The following MAK16 variants were observed in gnomAD, a reference collection of about 807,000 sequenced individuals.
MAK16 encodes the protein protein MAK16 homolog.
A neutral mutation model predicts 49.9 loss-of-function variants in MAK16; 12 were observed. That is an observed-to-expected ratio of 0.24 (90% CI 0.15 to 0.39). The LOEUF (loss-of-function observed/expected upper bound fraction) is 0.39. MAK16 is among the 10% of genes least tolerant of loss of function. MAK16 has a pLI of 1.00. For synonymous variants in MAK16, 115 were observed against 126.4 expected (o/e 0.91, Z 0.60); for missense variants, 292 against 363.7 (o/e 0.80, Z 1.60).
chr8:33,495,111 T>C (rs900723180), intron 6 of MAK16, among the ~76,000 whole-genome samples: 4 of 152,256 alleles, frequency 2.6e-5, no homozygotes, highest in Non-Finnish European at 4.4e-5. Flanking sequence ...GAGAGATCAC[T>C]GGAGGAAGAG....
At chr8:33,491,627 C>CTTTTTTT (rs554026888) in intron 6 of MAK16, among the ~76,000 whole-genome samples, 5 of 89,898 alleles carry the variant, frequency 5.6e-5, no homozygotes, top group Non-Finnish European at 8.2e-5. Context: ...CTGCCCCCTG[C>CTTTTTTT]TTTTTTTTTT....
chr8:33,485,517 AGCTG>A (rs1808673496), intron 1 of MAK16: 1 of 453,848 alleles, frequency 2.2e-6, no homozygotes, highest in East Asian at 3.6e-5. Context: ...GTCAGCTGTC[AGCTG>A]TCAGCTCCGG....
At position 33,489,209 on chromosome 8, in the gene MAK16, T is replaced by G. The variant is rs1367537182; in HGVS notation, c.392+70T>G. 23 of 1,440,042 alleles carry G rather than the reference T, an allele frequency of 1.6e-5. No individual in the cohort carries two copies. In the South Asian group the frequency reaches 2.5e-4, roughly 16 times the overall value. 89.2% of individuals were successfully genotyped at this position (1,440,042 alleles called of 1,614,324 possible). A position where few individuals can be genotyped will look rare whatever the true frequency, so the allele number is the denominator to read the frequency against. On this transcript the variant is annotated intron_variant, in intron 5 of 9. Coordinates refer to ENST00000360128, the MANE Select transcript of MAK16 (RefSeq NM_032509.4). The surrounding 1 kb of genome is among the most constrained non-coding windows in gnomAD (Gnocchi z 4.2). ...GGAGCTTGTTTTGAAGTTGAGAAAT[T>G]GTGAAACTTCGGGGCTTTCTATTCA... is the stretch of plus-strand genomic sequence containing the variant.
At chr8:33,496,571 T>A (rs1808860737) in intron 7 of MAK16, 54 bp from the exon 8 acceptor site, 3 of 1,367,548 alleles carry the variant, frequency 2.2e-6, no homozygotes, top group Non-Finnish European at 3.1e-6. Flanking sequence ...AAAGTGGAAC[T>A]TCAAGTGTAA....
intron 6 of MAK16, among the ~76,000 whole-genome samples, chr8:33,491,049 G>A (rs1808769863): frequency 6.6e-6 from 1 of 152,100 alleles, no homozygotes; most frequent in South Asian, 2.1e-4. Context: ...GCCTTTCTGT[G>A]CCTGGCTTCT....
intron 6 of MAK16, among the ~76,000 whole-genome samples, chr8:33,494,913 G>C (rs1310805313): frequency 6.6e-6 from 1 of 151,982 alleles, no homozygotes; most frequent in African/African-American, 2.4e-5. Context: ...CGAGTAGCTG[G>C]GACTATAGGC....
chr8:33,488,592 G>A lies in MAK16; in HGVS notation c.138G>A (p.Leu46=), dbSNP rs144540195. ...TGLCNRSSCP[L]ANSQYATIKE... ...TGTGTAATCGGTCATCCTGTCCCCT[G>A]GCAAATAGTCAGTATGCCACTATTA... The change falls in exon 3 of 10, where the codon CTG becomes CTA. Residue 46 remains leucine (L), a synonymous_variant. Coordinates refer to ENST00000360128, the MANE Select transcript of MAK16 (RefSeq NM_032509.4). 3.4e-4 allele frequency: 545 copies of A among 1,614,060 alleles called. 1 individual carries two copies. Among genetic ancestry groups the A allele is most frequent in the South Asian group, 5.6e-4 (51 of 91,078 alleles).
chr8:33,491,570 G>A (rs1299579588), intron 6 of MAK16, among the ~76,000 whole-genome samples: 3 of 147,752 alleles, frequency 2.0e-5, no homozygotes, highest in Non-Finnish European at 3.0e-5. Flanking sequence ...CCATTTGTAT[G>A]TCTTCTTTTG....
rs1050278919 is a variant in MAK16, at chr8:33,489,625, C to G, written c.392+486C>G. Among the ~76,000 whole-genome samples, 1 of 152,132 alleles carries G rather than the reference C, an allele frequency of 6.6e-6. No homozygotes were observed. The highest frequency in any genetic ancestry group is 1.5e-5 in the Non-Finnish European group (1 of 68,036). ...GAATTCCTGACCTCAAGCGATCCGC[C>G]TTAGCCTCCCAAAGTGCTGGGATTA... On this transcript the variant is annotated intron_variant, in intron 5 of 9. Coordinates refer to ENST00000360128, the MANE Select transcript of MAK16 (RefSeq NM_032509.4). This position sits in a 1 kb window ranked among gnomAD's most constrained non-coding sequence, Gnocchi z 4.2.
intron 9 of MAK16, among the ~76,000 whole-genome samples, chr8:33,497,571 C>T (rs907419410): frequency 2.6e-5 from 4 of 151,948 alleles, no homozygotes; most frequent in Admixed American, 2.6e-4. Context: ...GGGCTCATCG[C>T]AGCCTCAGCC....
At chr8:33,490,025 A>T (rs372755386) in intron 5 of MAK16, among the ~76,000 whole-genome samples, 1 of 152,208 alleles carries the variant, frequency 6.6e-6, no homozygotes, top group Non-Finnish European at 1.5e-5. Flanking sequence ...ATGTAAAAAT[A>T]TATGACTTTT....
chr8:33,491,015 A>G (rs1185733619), intron 6 of MAK16, among the ~76,000 whole-genome samples: 3 of 152,256 alleles, frequency 2.0e-5, no homozygotes, highest in Middle Eastern at 6.8e-3. Context: ...TGATCCCACA[A>G]ATAAGTGAAA....
rs748093004 is a variant in MAK16 at position 33,499,187 on chromosome 8, A to G, written c.*558A>G. ...TAATACAAGTCTTAAGTTCCATTGT[A>G]GGGTGCGCCTTCAGAAACCTGCTGC... On this transcript the variant is annotated 3_prime_UTR_variant, in exon 10 of 10. Transcript: ENST00000360128. 6.2e-7 allele frequency: 1 copy of G among 1,613,654 alleles called. No individual in the cohort carries two copies. The highest frequency in any genetic ancestry group is 8.5e-7 in the Non-Finnish European group (1 of 1,179,544).
rs73672089 is a variant in MAK16, at chr8:33,494,655, A to T, written c.448-887A>T. The stretch of plus-strand genomic sequence containing the variant: ...AATGTCAGTGTACAAGAAAAGTAGT[A>T]ATGATGTTAAATTTTTTAAGGAAAA... On this transcript the variant is annotated intron_variant, in intron 6 of 9. Coordinates refer to ENST00000360128, the MANE Select transcript of MAK16 (RefSeq NM_032509.4). Among the ~76,000 whole-genome samples, 210 of 152,334 alleles carry T rather than the reference A, an allele frequency of 1.4e-3. 2 individuals carry two copies. The highest frequency in any genetic ancestry group is 4.9e-3 in the African/African-American group (204 of 41,574).
At chr8:33,488,919 G>A (rs953045969) in intron 4 of MAK16, 69 bp from the exon 5 acceptor site, 55 of 1,601,966 alleles carry the variant, frequency 3.4e-5, no homozygotes, top group South Asian at 8.8e-5. Context: ...GGCCATGGGT[G>A]TCACTGACAG....
rs1263335932 is a variant in MAK16, at chr8:33,485,230, C to G, written c.15+9C>G. ...CCATGCAGTCGGATGATGTGAGTCT[C>G]CTCCGGTTGTTCTTACACCCGGGGT... On this transcript the variant is annotated intron_variant, in intron 1 of 9. Transcript: ENST00000360128. 6.2e-7 allele frequency: 1 copy of G among 1,614,226 alleles called. No homozygotes were observed. The highest frequency in any genetic ancestry group is 8.5e-7 in the Non-Finnish European group (1 of 1,180,040).
intron 1 of MAK16, 141 bp downstream of exon 1, chr8:33,485,362 C>A: frequency 2.7e-6 from 3 of 1,129,272 alleles, no homozygotes; most frequent in Non-Finnish European, 4.0e-6. Flanking sequence ...CCCGATTTTC[C>A]AACATAGGTT....
intron 1 of MAK16, 86 bp downstream of exon 1, chr8:33,485,307 C>G: frequency 6.4e-7 from 1 of 1,562,916 alleles, no homozygotes. Flanking sequence ...GCGTACGCAG[C>G]GGGTCTGTTG....
intron 9 of MAK16, among the ~76,000 whole-genome samples, chr8:33,498,206 A>C (rs1455397114): frequency 7.0e-6 from 1 of 143,160 alleles, no homozygotes; most frequent in Non-Finnish European, 1.5e-5. Context: ...CAGCAGTTTG[A>C]GGCTGCAGTG....
Sources: gnomAD v4.1 joint callset for allele counts (sites outside exome capture counted in the v4.1 genomes callset) on GRCh38, gnomAD v4.1.1 for gene constraint, Gnocchi (gnomAD v3.1) non-coding constraint, MANE v1.5 for transcripts, NCBI Gene and HGNC (gene_info 2026-07-23, HGNC 2026-07-21) for gene names.